Variants in NRXN1 observed in about 807,000 individuals in gnomAD.
NRXN1 encodes the protein neurexin-1.
Under a neutral mutation model 150.9 loss-of-function variants are expected in NRXN1, and 39 were observed. The observed-to-expected ratio is 0.26, with a 90% confidence interval of 0.20 to 0.34. The LOEUF is 0.34. Ranked by LOEUF, NRXN1 falls within the 10% of genes least tolerant of loss-of-function variation. The pLI is 1.00. For missense variants in NRXN1, 1,815 were observed against 1,949.9 expected (o/e 0.93, Z 1.30); for synonymous variants, 924 against 757.0 (o/e 1.22, Z -3.62).
intron 5 of NRXN1, among the ~76,000 whole-genome samples, chr2:50,736,798 C>A (rs11887465): frequency 6.6e-6 from 1 of 151,910 alleles, no homozygotes; most frequent in Non-Finnish European, 1.5e-5. Context: ...TTATCAGGAG[C>A]GTGAAAACGA....
intron 8 of NRXN1, among the ~76,000 whole-genome samples, chr2:50,612,357 A>G (rs535941428): frequency 6.6e-6 from 1 of 152,332 alleles, no homozygotes; most frequent in South Asian, 2.1e-4. Flanking sequence ...ACAAAATACC[A>G]GAAATCCACC....
chr2:50,572,564 T>C (rs1179320785), intron 8 of NRXN1, among the ~76,000 whole-genome samples: 1 of 152,186 alleles, frequency 6.6e-6, no homozygotes, highest in African/African-American at 2.4e-5. Flanking sequence ...TATCATTAAT[T>C]GTTATATCAA....
At chr2:50,856,332 C>T (rs1440889501) in intron 5 of NRXN1, among the ~76,000 whole-genome samples, 4 of 152,042 alleles carry the variant, frequency 2.6e-5, no homozygotes, top group Non-Finnish European at 5.9e-5. Flanking sequence ...ATGCACACCC[C>T]TCCTAGCTTG....
At chr2:49,998,967 C>T (rs1392739092) in intron 21 of NRXN1, among the ~76,000 whole-genome samples, 1 of 152,124 alleles carries the variant, frequency 6.6e-6, no homozygotes, top group Admixed American at 6.5e-5. Context: ...TGTGCCAAAG[C>T]TCAGGCAAAT....
chr2:50,591,513 T>C (rs536124734), intron 8 of NRXN1, among the ~76,000 whole-genome samples: 3 of 152,232 alleles, frequency 2.0e-5, no homozygotes, highest in South Asian at 2.1e-4. Context: ...CAAACAATGA[T>C]AGTGATGTAA....
rs569150301 is a variant in NRXN1, at chr2:50,085,607, A to G, written c.3718+5716T>C. ...TAAAGTTAGAAAATAATTAGTGCTTACTAACGAGTATTATTGATTCAAAAC... is the reference window on the plus strand; with the variant it reads ...TAAAGTTAGAAAATAATTAGTGCTTGCTAACGAGTATTATTGATTCAAAAC... On this transcript the variant is annotated intron_variant, in intron 19 of 22. Transcript: ENST00000401669. Among the ~76,000 whole-genome samples, 5 of 152,214 alleles carry G rather than the reference A, an allele frequency of 3.3e-5. No homozygotes were observed. The South Asian group carries it at 1.0e-3, about 32-fold the overall frequency.
intron 5 of NRXN1, among the ~76,000 whole-genome samples, chr2:50,852,574 T>C (rs1214689682): frequency 1.3e-5 from 2 of 152,194 alleles, no homozygotes; most frequent in Non-Finnish European, 2.9e-5. Flanking sequence ...AATTCTGTTT[T>C]ACTGCTTAAG....
intron 19 of NRXN1, among the ~76,000 whole-genome samples, chr2:50,076,954 T>G (rs909094880): frequency 2.6e-5 from 4 of 152,144 alleles, no homozygotes; most frequent in Admixed American, 2.6e-4. Context: ...ATGAATTATT[T>G]TTTAGGGGAA....
intron 17 of NRXN1, among the ~76,000 whole-genome samples, chr2:50,281,023 G>A (rs918033984): frequency 1.3e-5 from 2 of 151,808 alleles, no homozygotes; most frequent in Non-Finnish European, 2.9e-5. Context: ...ATCCATAATA[G>A]GCCGGGCGCG....
intron 21 of NRXN1, among the ~76,000 whole-genome samples, chr2:49,950,379 A>G (rs1673705931): frequency 6.6e-6 from 1 of 151,938 alleles, no homozygotes; most frequent in Admixed American, 6.6e-5. Flanking sequence ...CATAAAAATA[A>G]TAAGCTGAGA....
At chr2:51,029,595 CA>C (rs1271350285) in intron 1 of NRXN1, among the ~76,000 whole-genome samples, 2 of 152,336 alleles carry the variant, frequency 1.3e-5, no homozygotes, top group African/African-American at 2.4e-5. Context: ...ATTCAAATCT[CA>C]GTTAAGAGAT....
chr2:50,364,817 T>C (rs1238245303), intron 17 of NRXN1, among the ~76,000 whole-genome samples: 1 of 152,056 alleles, frequency 6.6e-6, no homozygotes, highest in Non-Finnish European at 1.5e-5. Flanking sequence ...GATTAGATAG[T>C]ACCCTCTTTT....
chr2:50,423,242 A>T (rs1331008566), intron 17 of NRXN1, among the ~76,000 whole-genome samples: 1 of 152,144 alleles, frequency 6.6e-6, no homozygotes, highest in African/African-American at 2.4e-5. Flanking sequence ...TCATAGCTAG[A>T]AGTAAGCCCT....
intron 18 of NRXN1, among the ~76,000 whole-genome samples, chr2:50,178,180 G>A (rs866287733): frequency 6.6e-6 from 1 of 152,094 alleles, no homozygotes; most frequent in African/African-American, 2.4e-5. Context: ...TTCTAAAATC[G>A]ATATGAGCTG....
At chr2:50,562,531 T>C (rs959014811) in intron 8 of NRXN1, among the ~76,000 whole-genome samples, 1 of 152,122 alleles carries the variant, frequency 6.6e-6, no homozygotes, top group Non-Finnish European at 1.5e-5. Flanking sequence ...AACCAAACAA[T>C]TTCATGTAAA....
intron 17 of NRXN1, among the ~76,000 whole-genome samples, chr2:50,462,699 C>A (rs1488778136): frequency 6.6e-6 from 1 of 151,802 alleles, no homozygotes; most frequent in African/African-American, 2.4e-5. Context: ...TAAAAATAGC[C>A]TTTGGCATCA....
chr2:50,680,649 T>C (rs780134051), intron 5 of NRXN1, among the ~76,000 whole-genome samples: 7 of 152,180 alleles, frequency 4.6e-5, no homozygotes, highest in Admixed American at 1.3e-4. Flanking sequence ...ACAGCCTTTG[T>C]GAGATAGAAA....
intron 12 of NRXN1, among the ~76,000 whole-genome samples, chr2:50,518,578 G>A (rs1445138440): frequency 6.6e-6 from 1 of 151,840 alleles, no homozygotes; most frequent in Non-Finnish European, 1.5e-5. Flanking sequence ...TATGGGTCCT[G>A]AGCATTTGGA....
intron 5 of NRXN1, among the ~76,000 whole-genome samples, chr2:50,857,025 G>C (rs1361277033): frequency 6.6e-6 from 1 of 152,100 alleles, no homozygotes; most frequent in Non-Finnish European, 1.5e-5. Flanking sequence ...TTTATGTTTA[G>C]ATTAAGTTGG....
Sources: allele counts gnomAD v4.1 joint callset (sites outside exome capture counted in the v4.1 genomes callset), GRCh38; gene constraint gnomAD v4.1.1; transcripts MANE v1.5; gene names NCBI Gene and HGNC (gene_info 2026-07-23, HGNC 2026-07-21).